ZCCHC14: variants seen among roughly 807,000 people sequenced by gnomAD.
The protein encoded by ZCCHC14 is zinc finger CCHC domain-containing protein 14.
In ZCCHC14, 16 loss-of-function variants were observed where a neutral mutation model predicts 85.0. The ratio of observed to expected loss-of-function variants is 0.19; its 90% CI spans 0.13 to 0.29. The LOEUF (loss-of-function observed/expected upper bound fraction) is 0.29, where lower values mean the gene tolerates loss of function less well. Among genes scored for constraint, ZCCHC14 ranks in the 10% least tolerant of loss-of-function variants. The pLI is 1.00. For missense variants in ZCCHC14, 1,303 were observed against 1,443.5 expected (o/e 0.90, Z 1.58); for synonymous variants, 775 against 630.7 (o/e 1.23, Z -3.43).
At chr16:87,419,010 G>A (rs1020391396) in intron 6 of ZCCHC14, 109 bp from the exon 7 acceptor site, 14 of 1,037,960 alleles carry the variant, frequency 1.3e-5, no homozygotes, top group African/African-American at 1.3e-4. Flanking sequence ...AGGCTGGAGA[G>A]CAATGGTGCG....
intron 3 of ZCCHC14, among the ~76,000 whole-genome samples, chr16:87,428,203 A>G (rs1306540278): frequency 6.6e-6 from 1 of 152,232 alleles, no homozygotes; most frequent in Non-Finnish European, 1.5e-5. Context: ...ATCTTCCTAT[A>G]AAACAGTAAC....
chr16:87,411,493 G>A, intron 12 of ZCCHC14, 23 bp downstream of exon 12: 1 of 1,611,746 alleles, frequency 6.2e-7, no homozygotes, highest in Non-Finnish European at 8.5e-7. Context: ...AGCCTGGTGG[G>A]CGCGGCCATG....
At chr16:87,460,542 T>C (rs977284459) in intron 1 of ZCCHC14, among the ~76,000 whole-genome samples, 2 of 151,920 alleles carry the variant, frequency 1.3e-5, no homozygotes, top group African/African-American at 4.8e-5. Flanking sequence ...ATACAAAAAT[T>C]AGCCAGGCGT....
intron 1 of ZCCHC14, among the ~76,000 whole-genome samples, chr16:87,469,425 G>C (rs754046095): frequency 6.6e-6 from 1 of 152,250 alleles, no homozygotes; most frequent in Non-Finnish European, 1.5e-5. Context: ...TGTAACTACA[G>C]AGGTCTGTGA....
At chr16:87,470,625 A>G (rs912175155) in intron 1 of ZCCHC14, 2 of 152,206 alleles carry the variant, frequency 1.3e-5, no homozygotes, top group African/African-American at 4.8e-5. Context: ...GTGTAAGGAG[A>G]TTTATCTCAG....
intron 2 of ZCCHC14, among the ~76,000 whole-genome samples, chr16:87,433,774 T>C (rs992022043): frequency 6.6e-6 from 1 of 152,236 alleles, no homozygotes; most frequent in East Asian, 1.9e-4. Flanking sequence ...CCCCAGTAGC[T>C]GGGATTACAG....
intron 2 of ZCCHC14, among the ~76,000 whole-genome samples, chr16:87,455,149 G>A (rs141052023): frequency 0.019 from 2,960 of 152,282 alleles, 32 homozygotes; most frequent in Middle Eastern, 0.048. Flanking sequence ...TTAGGCAGGC[G>A]TGGTGGCACA....
chr16:87,492,762 G>C lies in ZCCHC14; in HGVS notation c.-524C>G, dbSNP rs1457159155. The C allele has an allele frequency of 1.4e-5, 2 of 146,662 alleles. No individual in the cohort carries two copies. Among genetic ancestry groups the C allele is most frequent in the African/African-American group, 4.9e-5 (2 of 40,876 alleles). The allele number at this position is 146,662 out of a possible 1,614,324, so 9.1% of individuals were successfully genotyped here. On this transcript the variant is annotated 5_prime_UTR_variant, in exon 1 of 13. Coordinates refer to ENST00000671377, the MANE Select transcript of ZCCHC14 (RefSeq NM_015144.3). This position sits in a 1 kb window ranked among gnomAD's most constrained non-coding sequence, Gnocchi z 6.7. ...GGCCGTTACCCCGGGCCGCGGGCGC[G>C]GCGTCGCCGCCTGGGGAGCGCTGGG...
rs189905387 is a variant in ZCCHC14 at position 87,443,562 on chromosome 16, C to T, written c.695-10361G>A. On this transcript the variant is annotated intron_variant, in intron 2 of 12. Coordinates refer to ENST00000671377, the MANE Select transcript of ZCCHC14 (RefSeq NM_015144.3). ...ACTAGCCTGGGCAACATGGCGAGAC[C>T]CCATTTCTACTAAAAATTTAAAAAA... Among the ~76,000 whole-genome samples the T allele has an allele frequency of 7.2e-4, 110 of 152,076 alleles. 1 individual carries two copies. Among genetic ancestry groups the T allele is most frequent in the African/African-American group, 2.6e-3 (107 of 41,476 alleles).
rs762842794 is a variant in ZCCHC14 at position 87,412,849 on chromosome 16, T to C, written c.1872A>G (p.Pro624=). The C allele has an allele frequency of 1.9e-6, 3 of 1,609,028 alleles. No individual in the cohort carries two copies. The South Asian group carries it at 3.3e-5, about 18-fold the overall frequency. ...GCGGGGGCAGGGGGTGGTGGCCTGA[T>C]GGATTGGAGCTGGCCTCATTCTGCA... ...LPVQNEASSN[P]SGHHPLPPQM... Residue 624 remains proline, a synonymous_variant, in exon 12 of 13, where the codon CCA becomes CCG. Coordinates refer to ENST00000671377, the MANE Select transcript of ZCCHC14 (RefSeq NM_015144.3).
intron 3 of ZCCHC14, among the ~76,000 whole-genome samples, chr16:87,427,182 G>A (rs1597409317): frequency 1.3e-5 from 2 of 152,198 alleles, no homozygotes; most frequent in African/African-American, 4.8e-5. Context: ...TCTGCCACGG[G>A]TCACCTTCTG....
chr16:87,436,083 G>A (rs1909906347), intron 2 of ZCCHC14, among the ~76,000 whole-genome samples: 1 of 152,094 alleles, frequency 6.6e-6, no homozygotes, highest in African/African-American at 2.4e-5. Context: ...CAAACACCAT[G>A]TGTACCTCAT....
intron 1 of ZCCHC14, among the ~76,000 whole-genome samples, chr16:87,479,136 G>A (rs1912153447): frequency 6.6e-6 from 1 of 151,950 alleles, no homozygotes; most frequent in Non-Finnish European, 1.5e-5. Context: ...CTAAGGATAG[G>A]CTGGGCGTGG....
rs924562546 is a variant in ZCCHC14, at chr16:87,412,680, C to T, written c.2041G>A (p.Gly681Arg). 4.3e-6 allele frequency: 7 copies of T among 1,614,122 alleles called. No homozygotes were observed. Among genetic ancestry groups the T allele is most frequent in the Non-Finnish European group, 5.9e-6 (7 of 1,180,052 alleles). ...LSLEERNKGS[G>R]PRSSMKVDKS... is the part of the protein sequence containing the mutation. ...TCCACTTTCATGCTGCTTCTTGGTC[C>T]AGATCCTTTATTCCTTTCTTCTAGA... is the stretch of plus-strand genomic sequence containing the variant. The change falls in exon 12 of 13, where the codon GGA (glycine) becomes AGA (arginine). Residue 681 changes from glycine (G) to arginine (R), a missense_variant. Gly to Arg is a moderately radical substitution (Grantham distance 125). Transcript: ENST00000671377.
chr16:87,471,402 A>G (rs1272421150), intron 1 of ZCCHC14: 6 of 152,382 alleles, frequency 3.9e-5, no homozygotes, highest in African/African-American at 7.2e-5. Flanking sequence ...ATTCCTTTTA[A>G]TATTTCTTAA....
intron 1 of ZCCHC14, among the ~76,000 whole-genome samples, chr16:87,481,560 A>G (rs1459426553): frequency 2.7e-3 from 41 of 14,918 alleles, no homozygotes; most frequent in Non-Finnish European, 3.1e-3. Context: ...GGGAAGGGTA[A>G]GCGGGAGGGG....
rs925446091 is a variant in ZCCHC14, at chr16:87,491,298, G to A, written c.570+371C>T. Among the ~76,000 whole-genome samples the A allele has an allele frequency of 1.3e-5, 2 of 152,236 alleles. No homozygotes were observed. The highest frequency in any genetic ancestry group is 2.9e-5 in the Non-Finnish European group (2 of 68,042). Reference sequence around the variant, plus strand: ...TGTGGAGGCTTTGGGGCACGCAGAGGGGACTGAGGGTGTGGGCTCAGGGCC... The same window carrying A: ...TGTGGAGGCTTTGGGGCACGCAGAGAGGACTGAGGGTGTGGGCTCAGGGCC... On this transcript the variant is annotated intron_variant, in intron 1 of 12. Coordinates refer to ENST00000671377, the MANE Select transcript of ZCCHC14 (RefSeq NM_015144.3). The surrounding 1 kb of genome is among the most constrained non-coding windows in gnomAD (Gnocchi z 5.9).
At position 87,406,360 on chromosome 16, in the gene ZCCHC14, A is replaced by C. The variant is rs1908201377; in HGVS notation, c.*3920T>G. On this transcript the variant is annotated 3_prime_UTR_variant, in exon 13 of 13. Transcript: ENST00000671377. ...ATAATAAAACATAAAAACCCCAAAA[A>C]CAGAATACTTGACATTTACAATTCA... The C allele has an allele frequency of 6.6e-6, 1 of 152,664 alleles. No homozygotes were observed. Among genetic ancestry groups the C allele is most frequent in the Admixed American group, 6.5e-5 (1 of 15,286 alleles). The allele number at this position is 152,664 out of a possible 1,614,324, so 9.5% of individuals were successfully genotyped here.
chr16:87,482,715 C>T (rs1016465340), intron 1 of ZCCHC14, among the ~76,000 whole-genome samples: 1 of 152,166 alleles, frequency 6.6e-6, no homozygotes, highest in Middle Eastern at 3.2e-3. Flanking sequence ...AAACGAGAGA[C>T]AGCTCAGATC....
Sources: allele counts gnomAD v4.1 joint callset (sites outside exome capture counted in the v4.1 genomes callset), GRCh38; gene constraint gnomAD v4.1.1; non-coding constraint Gnocchi (gnomAD v3.1); transcripts MANE v1.5; gene names NCBI Gene and HGNC (gene_info 2026-07-23, HGNC 2026-07-21).